Variants in ANO2 observed in about 807,000 individuals in gnomAD.
ANO2 encodes anoctamin 2, also known as anoctamin-2.
In ANO2, 101 loss-of-function variants were observed where a neutral mutation model predicts 124.2. The ratio of observed to expected loss-of-function variants is 0.81; its 90% CI spans 0.69 to 0.96. ANO2 has a LOEUF of 0.96. Ranked by LOEUF, ANO2 falls within the 40% of genes least tolerant of loss-of-function variation. The pLI is 0.00. For missense variants in ANO2, 1,293 were observed against 1,274.5 expected (o/e 1.01, Z -0.22); for synonymous variants, 486 against 482.5 (o/e 1.01, Z -0.09).
In ANO2 at chr12:5,603,876, C is replaced by T. The variant is rs181330460; in HGVS notation, c.2088-4247G>A. On this transcript the variant is annotated intron_variant, in intron 19 of 24. Coordinates refer to ENST00000682330, the MANE Select transcript of ANO2 (RefSeq NM_001364791.2). ...AGGAGAATGGCATGAACCCGGGAGG[C>T]GGAGGTTGCAGTGAGCTGAGATAGC... Among the ~76,000 whole-genome samples, 8 of 125,960 alleles carry T rather than the reference C, an allele frequency of 6.4e-5. No homozygotes were observed. In the East Asian group the frequency reaches 7.7e-4, roughly 12 times the overall value. The allele number at this position is 125,960 out of a possible 152,430, so 82.6% of individuals were successfully genotyped here.
chr12:5,902,575 C>G (rs556710915), intron 3 of ANO2, among the ~76,000 whole-genome samples: 1 of 99,278 alleles, frequency 1.0e-5, no homozygotes, highest in African/African-American at 4.0e-5. Context: ...GCCAACAGAA[C>G]AAGACTCAAT....
intron 16 of ANO2, among the ~76,000 whole-genome samples, chr12:5,620,055 T>C (rs1945032363): frequency 1.3e-5 from 2 of 152,174 alleles, no homozygotes; most frequent in South Asian, 2.1e-4. Flanking sequence ...GAGAAATGTG[T>C]TTGAGAGAAA....
intron 19 of ANO2, 123 bp from the exon 20 acceptor site, chr12:5,599,752 T>A: frequency 9.4e-7 from 1 of 1,069,386 alleles, no homozygotes; most frequent in Non-Finnish European, 1.4e-6. Flanking sequence ...CAAAAACAAG[T>A]AGAGATAGAG....
intron 1 of ANO2, among the ~76,000 whole-genome samples, chr12:5,942,084 T>A (rs769830087): frequency 6.6e-6 from 1 of 151,134 alleles, no homozygotes; most frequent in Non-Finnish European, 1.5e-5. Flanking sequence ...AAGAACTTCC[T>A]GATGGAGTGC....
chr12:5,713,427 G>T (rs189804731), intron 14 of ANO2, among the ~76,000 whole-genome samples: 1 of 152,082 alleles, frequency 6.6e-6, no homozygotes, highest in African/African-American at 2.4e-5. Flanking sequence ...TGTGGGTCTC[G>T]AAGTTCTTTA....
intron 16 of ANO2, among the ~76,000 whole-genome samples, chr12:5,633,284 T>G (rs1248502566): frequency 1.3e-5 from 2 of 152,148 alleles, no homozygotes; most frequent in African/African-American, 4.8e-5. Context: ...CCTCTCCAAG[T>G]TCTAAGTTCA....
chr12:5,910,328 G>A (rs1414203551), intron 3 of ANO2, among the ~76,000 whole-genome samples: 1 of 152,112 alleles, frequency 6.6e-6, no homozygotes, highest in Non-Finnish European at 1.5e-5. Flanking sequence ...ACAGGCACGT[G>A]CCACCAAGCC....
rs1327081686 is a variant in ANO2 at position 5,787,744 on chromosome 12, G to A, written c.1055+11763C>T. On this transcript the variant is annotated intron_variant, in intron 10 of 24. Transcript: ENST00000682330. This position sits in a 1 kb window ranked among gnomAD's most constrained non-coding sequence, Gnocchi z 4.2. ...ACTAGTTTAAATGTCGCTTCCTCAG[G>A]GAGATCTCCAATTAGGTTGGATGGC... Among the ~76,000 whole-genome samples the A allele has an allele frequency of 6.6e-6, 1 of 151,982 alleles. No homozygotes were observed. The highest frequency in any genetic ancestry group is 1.5e-5 in the Non-Finnish European group (1 of 67,992).
chr12:5,796,970 G>A (rs1429451562), intron 10 of ANO2, among the ~76,000 whole-genome samples: 1 of 152,200 alleles, frequency 6.6e-6, no homozygotes, highest in African/African-American at 2.4e-5. Flanking sequence ...ACAGAAGCTT[G>A]GCGCTAAAAA....
chr12:5,708,183 T>A (rs909180487), intron 14 of ANO2, among the ~76,000 whole-genome samples: 7 of 151,500 alleles, frequency 4.6e-5, no homozygotes, highest in African/African-American at 1.7e-4. Context: ...TGAGTAATCT[T>A]CAGTCGTATC....
intron 19 of ANO2, among the ~76,000 whole-genome samples, chr12:5,608,432 T>A (rs928079341): frequency 4.6e-5 from 7 of 151,924 alleles, no homozygotes; most frequent in Non-Finnish European, 8.8e-5. Flanking sequence ...GTTGTACACA[T>A]CCTCTGGCAG....
chr12:5,638,834 CAT>C (rs1946181944), intron 15 of ANO2, among the ~76,000 whole-genome samples: 1 of 152,148 alleles, frequency 6.6e-6, no homozygotes, highest in East Asian at 1.9e-4. Flanking sequence ...ACTTCTGGGA[CAT>C]AAACAAAATG....
At chr12:5,808,302 C>T (rs1659899341) in intron 7 of ANO2, among the ~76,000 whole-genome samples, 1 of 152,250 alleles carries the variant, frequency 6.6e-6, no homozygotes, top group African/African-American at 2.4e-5. Flanking sequence ...GTCCCTCCAA[C>T]TCCATTATAC....
chr12:5,735,800 A>C (rs1171479950), intron 13 of ANO2, among the ~76,000 whole-genome samples: 1 of 152,192 alleles, frequency 6.6e-6, no homozygotes, highest in Non-Finnish European at 1.5e-5. Context: ...AGGTCTAAGC[A>C]AGGAGGAGAA....
intron 16 of ANO2, among the ~76,000 whole-genome samples, chr12:5,621,248 C>T (rs535702706): frequency 6.6e-6 from 1 of 152,078 alleles, no homozygotes; most frequent in African/African-American, 2.4e-5. Flanking sequence ...CCAGCTATTG[C>T]CAGATGTGCT....
At chr12:5,804,502 A>C (rs577347504) in intron 9 of ANO2, among the ~76,000 whole-genome samples, 1 of 152,310 alleles carries the variant, frequency 6.6e-6, no homozygotes, top group South Asian at 2.1e-4. Context: ...CACCTTCACG[A>C]AGCATCTTTC....
chr12:5,812,423 G>A (rs898240533), intron 7 of ANO2, among the ~76,000 whole-genome samples: 5 of 131,874 alleles, frequency 3.8e-5, no homozygotes, highest in Non-Finnish European at 6.4e-5. Flanking sequence ...AGGGCAGGCA[G>A]GCAAGCAAAA....
rs148741053 is a variant in ANO2 at position 5,871,224 on chromosome 12, A to C, written c.535-17083T>G. On this transcript the variant is annotated intron_variant, in intron 3 of 24. Transcript: ENST00000682330. ...AATGGAATCTACAAAAGTCATCTAC[A>C]TAGGTTGTAAATCGGACACATAGGC... is the stretch of plus-strand genomic sequence containing the variant. 6.5e-4 allele frequency among the ~76,000 whole-genome samples: 98 copies of C among 151,512 alleles called. 1 individual carries two copies. The highest frequency in any genetic ancestry group is 2.3e-3 in the African/African-American group (95 of 40,770).
intron 4 of ANO2, among the ~76,000 whole-genome samples, chr12:5,847,158 C>T (rs1265816111): frequency 1.3e-5 from 2 of 152,158 alleles, no homozygotes; most frequent in Non-Finnish European, 2.9e-5. Context: ...CAGTTGAAGG[C>T]CGGAATAGAA....
Sources: allele counts gnomAD v4.1 joint callset (sites outside exome capture counted in the v4.1 genomes callset), GRCh38; gene constraint gnomAD v4.1.1; non-coding constraint Gnocchi (gnomAD v3.1); transcripts MANE v1.5; gene names NCBI Gene and HGNC (gene_info 2026-07-23, HGNC 2026-07-21).